Variants in MYO3A observed in about 807,000 individuals in gnomAD.
The protein encoded by MYO3A is myosin-IIIa.
A neutral mutation model predicts 192.7 loss-of-function variants in MYO3A; 180 were observed. The ratio of observed to expected loss-of-function variants is 0.93; its 90% CI spans 0.83 to 1.06. The LOEUF is 1.06. Ranked by LOEUF, MYO3A falls within the 50% of genes least tolerant of loss-of-function variation. The pLI is 0.00. For synonymous variants in MYO3A, 628 were observed against 645.3 expected (o/e 0.97, Z 0.41); for missense variants, 1,896 against 1,905.0 (o/e 1.00, Z 0.09).
chr10:26,114,362 G>A (rs2139795), intron 17 of MYO3A, among the ~76,000 whole-genome samples: 73,078 of 152,012 alleles, frequency 0.48, 18,287 homozygotes, highest in Middle Eastern at 0.59. Context: ...TCTGTGCACC[G>A]AACTCAGTCT....
chr10:26,088,435 G>T, intron 15 of MYO3A, 30 bp downstream of exon 15: 3 of 1,586,112 alleles, frequency 1.9e-6, no homozygotes, highest in Non-Finnish European at 2.6e-6. Context: ...CTCCTATTTT[G>T]GAGGAAGCAG....
At chr10:26,090,805 G>A (rs1444903735) in intron 15 of MYO3A, among the ~76,000 whole-genome samples, 1 of 152,200 alleles carries the variant, frequency 6.6e-6, no homozygotes, top group Non-Finnish European at 1.5e-5. Context: ...AGATCACATG[G>A]GCATTGAAGA....
intron 4 of MYO3A, among the ~76,000 whole-genome samples, chr10:25,972,202 C>A (rs1294717492): frequency 6.6e-6 from 1 of 152,014 alleles, no homozygotes; most frequent in Non-Finnish European, 1.5e-5. Context: ...CAATTCAAAT[C>A]TGTTGAGTCC....
intron 14 of MYO3A, among the ~76,000 whole-genome samples, chr10:26,070,676 T>C (rs571153122): frequency 4.0e-4 from 61 of 152,220 alleles, no homozygotes; most frequent in African/African-American, 1.4e-3. Context: ...ATTGAATGCT[T>C]TCTTTACTTT....
At chr10:25,989,206 A>G (rs1001990900) in intron 4 of MYO3A, among the ~76,000 whole-genome samples, 1 of 151,428 alleles carries the variant, frequency 6.6e-6, no homozygotes, top group African/African-American at 2.4e-5. Context: ...TTGGCCTGCT[A>G]AAGGGCTGGA....
In MYO3A at chr10:26,079,418, A is replaced by G. The variant is rs1835785674; in HGVS notation, c.1360-8785A>G. 1.3e-5 allele frequency among the ~76,000 whole-genome samples: 2 copies of G among 152,160 alleles called. 1 individual carries two copies. The highest frequency in any genetic ancestry group is 4.1e-4 in the South Asian group (2 of 4,822). ...TGTGTTAGATGAGTCCCCTGAATGC[A>G]GCAGATAGTTGATTGTTGAGTTCTT... On this transcript the variant is annotated intron_variant, in intron 14 of 34. Coordinates refer to ENST00000642920, the MANE Select transcript of MYO3A (RefSeq NM_017433.5).
intron 15 of MYO3A, among the ~76,000 whole-genome samples, chr10:26,089,578 G>A (rs1013911175): frequency 6.6e-6 from 1 of 151,418 alleles, no homozygotes; most frequent in African/African-American, 2.4e-5. Flanking sequence ...TCCAGCTGGG[G>A]TGACAGAGCG....
chr10:26,155,742 T>C (rs1251210230), intron 25 of MYO3A, among the ~76,000 whole-genome samples: 2 of 152,236 alleles, frequency 1.3e-5, no homozygotes, highest in African/African-American at 4.8e-5. Context: ...TACCTGACGT[T>C]TGTTGCTAAT....
chr10:26,099,018 A>C (rs192013433), intron 17 of MYO3A, among the ~76,000 whole-genome samples: 14 of 152,310 alleles, frequency 9.2e-5, no homozygotes, highest in African/African-American at 3.4e-4. Flanking sequence ...GGCCATTTTC[A>C]TGATATTGAT....
chr10:26,064,961 G>T (rs894188405), intron 10 of MYO3A, among the ~76,000 whole-genome samples: 1 of 152,120 alleles, frequency 6.6e-6, no homozygotes, highest in African/African-American at 2.4e-5. Context: ...GTGAATGAGT[G>T]GTGTGTAAGG....
At chr10:26,078,089 A>G (rs908002497) in intron 14 of MYO3A, among the ~76,000 whole-genome samples, 1 of 145,636 alleles carries the variant, frequency 6.9e-6, no homozygotes, top group Non-Finnish European at 1.5e-5. Flanking sequence ...TTCTTCTTTA[A>G]TGTCTGGTAG....
At chr10:26,012,140 A>G (rs1841701862) in intron 6 of MYO3A, among the ~76,000 whole-genome samples, 1 of 152,196 alleles carries the variant, frequency 6.6e-6, no homozygotes, top group Non-Finnish European at 1.5e-5. Flanking sequence ...CACAGCCACC[A>G]TCATACTGAA....
intron 22 of MYO3A, among the ~76,000 whole-genome samples, chr10:26,146,951 CT>C (rs201775547): frequency 2.6e-5 from 4 of 151,966 alleles, no homozygotes; most frequent in South Asian, 4.2e-4. Flanking sequence ...CATCTCTAAA[CT>C]TTTTTTTAAG....
intron 31 of MYO3A, among the ~76,000 whole-genome samples, chr10:26,182,355 C>G (rs1842654346): frequency 6.6e-6 from 1 of 152,194 alleles, no homozygotes; most frequent in Non-Finnish European, 1.5e-5. Flanking sequence ...TTTGATACTC[C>G]TCCAGCCAGC....
At chr10:26,012,159 A>T (rs940195512) in intron 6 of MYO3A, among the ~76,000 whole-genome samples, 3 of 152,172 alleles carry the variant, frequency 2.0e-5, no homozygotes, top group African/African-American at 7.2e-5. Context: ...AATGGGGAAA[A>T]GTTGAAAGCT....
In MYO3A at chr10:26,154,747, G is replaced by A; in HGVS notation, c.2717G>A (p.Gly906Asp). 6.2e-7 allele frequency: 1 copy of A among 1,613,546 alleles called. No homozygotes were observed. The highest frequency in any genetic ancestry group is 2.2e-5 in the East Asian group (1 of 44,830). ...TSEKLINLAK[G>D]DTGEATRHAR... ...CACTGTCTTCCTTGGTCTCCTTAGG[G>A]CGACACTGGAGAAGCCACACGTCAT... The change falls in exon 25 of 35, where the codon GGC becomes GAC. Residue 906 changes from glycine to aspartate, a missense_variant and splice_region_variant. Physicochemically the swap from Gly to Asp is moderately conservative, Grantham distance 94 (BLOSUM62 -1). Transcript: ENST00000642920.
At chr10:26,134,638 G>A (rs766059450) in intron 20 of MYO3A, among the ~76,000 whole-genome samples, 3 of 152,016 alleles carry the variant, frequency 2.0e-5, no homozygotes, top group African/African-American at 4.8e-5. Context: ...GAAATTTTCT[G>A]TAAGTTTTAA....
At chr10:26,139,005 CACA>C (rs1220283590) in intron 20 of MYO3A, among the ~76,000 whole-genome samples, 1 of 152,200 alleles carries the variant, frequency 6.6e-6, no homozygotes, top group Non-Finnish European at 1.5e-5. Flanking sequence ...TCAGCAACAT[CACA>C]ACAACTGATG....
intron 10 of MYO3A, among the ~76,000 whole-genome samples, chr10:26,028,646 A>G (rs936215738): frequency 6.6e-6 from 1 of 152,240 alleles, no homozygotes; most frequent in Non-Finnish European, 1.5e-5. Context: ...TGTGAAGGAT[A>G]TGAGATATTA....
Sources: allele counts gnomAD v4.1 joint callset (sites outside exome capture counted in the v4.1 genomes callset), GRCh38; gene constraint gnomAD v4.1.1; transcripts MANE v1.5; gene names NCBI Gene and HGNC (gene_info 2026-07-23, HGNC 2026-07-21).